Variants in LTBP2 observed in about 807,000 individuals in gnomAD.
The protein encoded by LTBP2 is latent-transforming growth factor beta-binding protein 2.
A neutral mutation model predicts 210.6 loss-of-function variants in LTBP2; 103 were observed. The observed-to-expected ratio is 0.49, with a 90% CI of 0.42 to 0.58. The LOEUF is 0.58. Among genes scored for constraint, LTBP2 ranks in the 20% least tolerant of loss-of-function variants. The pLI, the probability that LTBP2 is intolerant of heterozygous loss-of-function variation, is 0.00. For missense variants in LTBP2, 2,313 were observed against 2,494.5 expected (o/e 0.93, Z 1.55); for synonymous variants, 1,007 against 1,015.0 (o/e 0.99, Z 0.15).
At chr14:74,599,643 T>C (rs530309932) in intron 2 of LTBP2, among the ~76,000 whole-genome samples, 13 of 152,314 alleles carry the variant, frequency 8.5e-5, no homozygotes, top group African/African-American at 2.9e-4. Context: ...GAGGAGGAGA[T>C]GGCGGCCCAG....
intron 3 of LTBP2, among the ~76,000 whole-genome samples, chr14:74,570,973 T>C (rs11623580): frequency 0.45 from 68,724 of 151,304 alleles, 16,791 homozygotes; most frequent in Non-Finnish European, 0.56. Context: ...TAAGAGTGGG[T>C]ACGGTGAGAC....
At chr14:74,505,751 G>A (rs1000478091) in intron 28 of LTBP2, among the ~76,000 whole-genome samples, 1 of 152,114 alleles carries the variant, frequency 6.6e-6, no homozygotes, top group Non-Finnish European at 1.5e-5. Flanking sequence ...GGGATTAGAT[G>A]GATTCAGGGT....
At chr14:74,520,244 T>A (rs2087184238) in intron 17 of LTBP2, among the ~76,000 whole-genome samples, 1 of 152,208 alleles carries the variant, frequency 6.6e-6, no homozygotes, top group Non-Finnish European at 1.5e-5. Flanking sequence ...CACGCTCCAT[T>A]CCTATTCATG....
In LTBP2 at chr14:74,501,396, G is replaced by A. The variant is rs761065016; in HGVS notation, c.5320+45C>T. On this transcript the variant is annotated intron_variant, in intron 35 of 35. Coordinates refer to ENST00000261978, the MANE Select transcript of LTBP2 (RefSeq NM_000428.3). ...CCTTCCTGAGTTCAGGCGTCTCTGT[G>A]GGCAGTGGGCCAGCCTGACTCCTCC... The A allele has an allele frequency of 1.5e-5, 24 of 1,613,360 alleles. No homozygotes were observed. The Admixed American group carries it at 4.0e-4, about 27-fold the overall frequency.
intron 2 of LTBP2, among the ~76,000 whole-genome samples, chr14:74,594,518 C>A (rs2088329272): frequency 6.6e-6 from 1 of 152,218 alleles, no homozygotes; most frequent in Non-Finnish European, 1.5e-5. Flanking sequence ...GCCACCCGAT[C>A]CCCTCCTCAG....
At chr14:74,525,247 A>T (rs750072162) in intron 14 of LTBP2, 22 bp from the exon 15 acceptor site, 14 of 1,289,944 alleles carry the variant, frequency 1.1e-5, no homozygotes, top group Middle Eastern at 2.0e-4. Context: ...AGAGGGGAAG[A>T]GGTGGGGTTG....
At chr14:74,564,171 A>G (rs1413352184) in intron 3 of LTBP2, among the ~76,000 whole-genome samples, 4 of 49,244 alleles carry the variant, frequency 8.1e-5, no homozygotes, top group Non-Finnish European at 1.4e-4. Context: ...ATTTATATAT[A>G]TATTTATATA....
chr14:74,594,532 G>A (rs1470642970), intron 2 of LTBP2, among the ~76,000 whole-genome samples: 4 of 152,282 alleles, frequency 2.6e-5, no homozygotes, highest in Admixed American at 6.5e-5. Flanking sequence ...TCCTCAGGCC[G>A]GGGCCCTGTC....
intron 15 of LTBP2, among the ~76,000 whole-genome samples, chr14:74,523,756 G>A (rs1336740262): frequency 6.6e-6 from 1 of 152,158 alleles, no homozygotes; most frequent in East Asian, 1.9e-4. Flanking sequence ...CTGCATTTGT[G>A]TCCACCCTGA....
intron 18 of LTBP2, 44 bp downstream of exon 18, chr14:74,516,778 G>C (rs1007039087): frequency 9.2e-5 from 141 of 1,529,564 alleles, no homozygotes; most frequent in Non-Finnish European, 1.1e-4. Context: ...AGGGACAGGT[G>C]GGTGGTGGGG....
At chr14:74,574,071 A>G (rs751090913) in intron 3 of LTBP2, among the ~76,000 whole-genome samples, 5 of 152,186 alleles carry the variant, frequency 3.3e-5, no homozygotes, top group Non-Finnish European at 7.3e-5. Context: ...AGGCTCCATC[A>G]ATGGTGGGTT....
intron 8 of LTBP2, among the ~76,000 whole-genome samples, chr14:74,545,881 G>A (rs1457997445): frequency 5.9e-5 from 9 of 152,222 alleles, no homozygotes; most frequent in African/African-American, 2.2e-4. Context: ...GAAGGGAGCA[G>A]AGGGGAACTG....
chr14:74,579,612 C>T (rs988247641), intron 3 of LTBP2, among the ~76,000 whole-genome samples: 1 of 152,242 alleles, frequency 6.6e-6, no homozygotes, highest in East Asian at 1.9e-4. Context: ...CAGGCACATG[C>T]TGCCATACGC....
intron 31 of LTBP2, 25 bp downstream of exon 31, chr14:74,503,901 G>A: frequency 1.2e-6 from 2 of 1,613,680 alleles, no homozygotes; most frequent in Non-Finnish European, 8.5e-7. Flanking sequence ...CCTGGGGTGG[G>A]GGCAGGGATC....
chr14:74,567,577 C>T (rs1334281347), intron 3 of LTBP2, among the ~76,000 whole-genome samples: 1 of 152,128 alleles, frequency 6.6e-6, no homozygotes, highest in African/African-American at 2.4e-5. Context: ...TTCTTCCCAC[C>T]AGGAAAAAGA....
intron 9 of LTBP2, among the ~76,000 whole-genome samples, chr14:74,534,694 G>T (rs2087396436): frequency 6.6e-6 from 1 of 152,164 alleles, no homozygotes; most frequent in African/African-American, 2.4e-5. Flanking sequence ...AGTGTATGTA[G>T]CCCATAGTAA....
At chr14:74,508,798 C>T in intron 23 of LTBP2, 32 bp downstream of exon 23, 1 of 1,613,656 alleles carries the variant, frequency 6.2e-7, no homozygotes, top group East Asian at 2.2e-5. Flanking sequence ...CTCATGCCCC[C>T]CACCCCCAGT....
At position 74,586,113 on chromosome 14, in the gene LTBP2, A is replaced by C; in HGVS notation, c.571T>G (p.Cys191Gly). 3.1e-6 allele frequency: 5 copies of C among 1,593,540 alleles called. No homozygotes were observed. Among genetic ancestry groups the C allele is most frequent in the Non-Finnish European group, 4.3e-6 (5 of 1,170,836 alleles). The change falls in exon 3 of 36, where the codon TGC (cysteine) becomes GGC (glycine). Residue 191 changes from cysteine (C) to glycine (G), a missense_variant. By Grantham distance (159) the Cys-to-Gly change is radical. This residue lies in a region of LTBP2 where 1,867 missense variants were observed against 1,976.9 expected (regional missense o/e 0.94). Coordinates refer to ENST00000261978, the MANE Select transcript of LTBP2 (RefSeq NM_000428.3). The surrounding 1 kb of genome is among the most constrained non-coding windows in gnomAD (Gnocchi z 4.6). ...CCCCGGTTCTGGCACGGCGGCTCGC[A>C]AACGGCTGAGGACACAGGGAGAGAG... ...NSTNHCIKPV[C>G]EPPCQNRGSC...
chr14:74,546,659 T>C (rs1205057473), intron 8 of LTBP2, among the ~76,000 whole-genome samples: 1 of 152,052 alleles, frequency 6.6e-6, no homozygotes, highest in African/African-American at 2.4e-5. Flanking sequence ...GGGCTGAGCG[T>C]TGGGTGTGTT....
Sources: allele counts gnomAD v4.1 joint callset (sites outside exome capture counted in the v4.1 genomes callset), GRCh38; gene constraint gnomAD v4.1.1; regional missense constraint gnomAD v4.1.1; non-coding constraint Gnocchi (gnomAD v3.1); transcripts MANE v1.5; gene names NCBI Gene and HGNC (gene_info 2026-07-23, HGNC 2026-07-21).